Variants in MALRD1 observed in about 807,000 individuals in gnomAD.
MALRD1 encodes MAM and LDL-receptor class A domain-containing protein 1.
In MALRD1, 247 loss-of-function variants were observed where a neutral mutation model predicts 242.1. That is an observed-to-expected ratio of 1.02 (90% confidence interval 0.92 to 1.13). The LOEUF (loss-of-function observed/expected upper bound fraction) is 1.13, where lower values mean the gene tolerates loss of function less well. Ranked by LOEUF, MALRD1 falls within the 50% of genes most tolerant of loss-of-function variation. MALRD1 has a pLI of 0.00. For synonymous variants in MALRD1, 995 were observed against 866.6 expected (o/e 1.15, Z -2.60); for missense variants, 2,989 against 2,533.1 (o/e 1.18, Z -3.86).
At chr10:19,659,187 T>A (rs1231706526) in intron 36 of MALRD1, among the ~76,000 whole-genome samples, 2 of 152,198 alleles carry the variant, frequency 1.3e-5, no homozygotes, top group East Asian at 3.9e-4. Flanking sequence ...CTTCTAATAA[T>A]TAGCACTATA....
chr10:19,248,670 A>G (rs982324293), intron 18 of MALRD1, among the ~76,000 whole-genome samples: 3 of 151,522 alleles, frequency 2.0e-5, no homozygotes, highest in Non-Finnish European at 4.4e-5. Context: ...CAGGAATTAG[A>G]CTCTTTGACT....
At chr10:19,459,754 A>G (rs891032820) in intron 29 of MALRD1, among the ~76,000 whole-genome samples, 3 of 151,596 alleles carry the variant, frequency 2.0e-5, no homozygotes, top group African/African-American at 4.8e-5. Flanking sequence ...AAAAAGGTCT[A>G]TATTTAAAAA....
rs556781842 is a variant in MALRD1, at chr10:19,064,379, C to G, written c.200-2340C>G. ...TGGCATATGGAGTTAAAAGGTAAACCAGCTACAATTCAAGGAAAATTATTC... is the reference window on the plus strand; with the variant it reads ...TGGCATATGGAGTTAAAAGGTAAACGAGCTACAATTCAAGGAAAATTATTC... On this transcript the variant is annotated intron_variant, in intron 1 of 39. Coordinates refer to ENST00000454679, the MANE Select transcript of MALRD1 (RefSeq NM_001142308.3). Among the ~76,000 whole-genome samples, 6 of 152,246 alleles carry G rather than the reference C, an allele frequency of 3.9e-5. No homozygotes were observed. In the East Asian group the frequency reaches 1.2e-3, roughly 29 times the overall value.
intron 38 of MALRD1, chr10:19,724,960 G>A (rs553816912): frequency 1.3e-5 from 2 of 152,246 alleles, no homozygotes; most frequent in Admixed American, 6.5e-5. Flanking sequence ...AATCTTGAAG[G>A]CAATTCTGTT....
intron 36 of MALRD1, among the ~76,000 whole-genome samples, chr10:19,680,578 G>A (rs1842324695): frequency 6.6e-6 from 1 of 152,102 alleles, no homozygotes; most frequent in African/African-American, 2.4e-5. Flanking sequence ...GATGGGTCTT[G>A]ACTCTGTATC....
chr10:19,188,601 T>C (rs1835838280), intron 14 of MALRD1, among the ~76,000 whole-genome samples: 1 of 152,186 alleles, frequency 6.6e-6, no homozygotes, highest in Non-Finnish European at 1.5e-5. Flanking sequence ...TTTTGTCTGG[T>C]TTTATTTCTC....
chr10:19,631,882 T>C (rs1839917906), intron 36 of MALRD1, among the ~76,000 whole-genome samples: 2 of 152,208 alleles, frequency 1.3e-5, no homozygotes, highest in Non-Finnish European at 2.9e-5. Flanking sequence ...TGCTGGATAT[T>C]AGACCTTTGT....
intron 18 of MALRD1, among the ~76,000 whole-genome samples, chr10:19,220,156 G>C (rs933540109): frequency 2.0e-5 from 3 of 152,028 alleles, no homozygotes; most frequent in African/African-American, 7.2e-5. Flanking sequence ...TTTCTAGCAG[G>C]CCTTTTATAT....
At chr10:19,385,780 A>C (rs1282485518) in intron 26 of MALRD1, among the ~76,000 whole-genome samples, 1 of 151,804 alleles carries the variant, frequency 6.6e-6, no homozygotes, top group Non-Finnish European at 1.5e-5. Context: ...CTTCGGCCTT[A>C]GTTCTTTTTC....
chr10:19,149,123 T>TCTAA lies in MALRD1; in HGVS notation c.1558+2783_1558+2786dup, dbSNP rs1443601157. The stretch of plus-strand genomic sequence containing the variant: ...ATCTATCTATCTATCTATCTATCTA[T>TCTAA]CTAACTAGCTGAGACAGAGTCTCAC... On this transcript the variant is annotated intron_variant, in intron 11 of 39. Coordinates refer to ENST00000454679, the MANE Select transcript of MALRD1 (RefSeq NM_001142308.3). Among the ~76,000 whole-genome samples, 9 of 150,090 alleles carry TCTAA rather than the reference T, an allele frequency of 6.0e-5. No homozygotes were observed. In the South Asian group the frequency reaches 1.1e-3, roughly 18 times the overall value.
chr10:19,233,107 TG>T (rs771403940), intron 18 of MALRD1, among the ~76,000 whole-genome samples: 3 of 152,176 alleles, frequency 2.0e-5, no homozygotes, highest in Non-Finnish European at 4.4e-5. Context: ...TATATATTTG[TG>T]GGGTACATGA....
intron 13 of MALRD1, among the ~76,000 whole-genome samples, chr10:19,169,641 T>G (rs1175500183): frequency 6.6e-6 from 1 of 152,220 alleles, no homozygotes; most frequent in Admixed American, 6.5e-5. Flanking sequence ...TTTCTCTGAG[T>G]GTATTTTTAA....
chr10:19,583,708 G>T (rs1184030544), intron 33 of MALRD1, among the ~76,000 whole-genome samples: 1 of 151,908 alleles, frequency 6.6e-6, no homozygotes, highest in Non-Finnish European at 1.5e-5. Context: ...GTCTCTGCCC[G>T]GCTTTGGTAT....
chr10:19,084,100 T>C (rs1462429712), intron 2 of MALRD1, among the ~76,000 whole-genome samples: 1 of 151,974 alleles, frequency 6.6e-6, no homozygotes, highest in East Asian at 1.9e-4. Flanking sequence ...CTTGTAGTAA[T>C]GATAAGGGAT....
At chr10:19,251,354 T>C (rs1839284614) in intron 18 of MALRD1, among the ~76,000 whole-genome samples, 2 of 152,098 alleles carry the variant, frequency 1.3e-5, no homozygotes, top group East Asian at 3.9e-4. Flanking sequence ...AAATAAGCTC[T>C]TCTTGCCACC....
intron 28 of MALRD1, among the ~76,000 whole-genome samples, chr10:19,406,138 A>G (rs1344111301): frequency 6.6e-6 from 1 of 152,212 alleles, no homozygotes; most frequent in African/African-American, 2.4e-5. Context: ...AGGGCCACCA[A>G]ATGCTATACC....
intron 26 of MALRD1, among the ~76,000 whole-genome samples, chr10:19,373,956 A>G (rs900553057): frequency 3.3e-5 from 5 of 152,336 alleles, no homozygotes; most frequent in Middle Eastern, 3.4e-3. Context: ...TGCAAAACCA[A>G]TAGAACTAAA....
chr10:19,306,415 A>G lies in MALRD1; in HGVS notation c.3420-17534A>G, dbSNP rs936294685. On this transcript the variant is annotated intron_variant, in intron 21 of 39. Transcript: ENST00000454679. ...ATAGTGTCGTATATGTACCGTGTAT[A>G]GTATATATAGTGTCGTATATGTACC... Among the ~76,000 whole-genome samples, 2 of 100,978 alleles carry G rather than the reference A, an allele frequency of 2.0e-5. 1 individual carries two copies. The highest frequency in any genetic ancestry group is 2.1e-4 in the Admixed American group (2 of 9,632). 66.2% of individuals were successfully genotyped at this position (100,978 alleles called of 152,430 possible).
chr10:19,094,689 G>A (rs12267439), intron 4 of MALRD1, among the ~76,000 whole-genome samples: 3,249 of 152,242 alleles, frequency 0.021, 109 homozygotes, highest in African/African-American at 0.075. Flanking sequence ...GGGAATGCTG[G>A]GTAATGAGGA....
Sources: allele counts gnomAD v4.1 joint callset (sites outside exome capture counted in the v4.1 genomes callset), GRCh38; gene constraint gnomAD v4.1.1; transcripts MANE v1.5; gene names NCBI Gene and HGNC (gene_info 2026-07-23, HGNC 2026-07-21).